Variants in IL6R observed in about 807,000 individuals in gnomAD.
The protein encoded by IL6R is interleukin-6 receptor subunit alpha.
Under a neutral mutation model 48.3 loss-of-function variants are expected in IL6R, and 38 were observed. The ratio of observed to expected loss-of-function variants is 0.79; its 90% CI spans 0.61 to 1.03. The LOEUF is 1.03. Among genes scored for constraint, IL6R ranks in the 50% least tolerant of loss-of-function variants. IL6R has a pLI of 0.00. For synonymous variants in IL6R, 264 were observed against 256.2 expected (o/e 1.03, Z -0.29); for missense variants, 534 against 618.3 (o/e 0.86, Z 1.45).
At chr1:154,451,940 C>T (rs146115901) in intron 8 of IL6R, among the ~76,000 whole-genome samples, 220 of 152,272 alleles carry the variant, frequency 1.4e-3, no homozygotes, top group African/African-American at 4.5e-3. Flanking sequence ...TAACTGGTAC[C>T]GCATTTGCTC....
At chr1:154,422,914 A>G (rs894451823) in intron 1 of IL6R, among the ~76,000 whole-genome samples, 1 of 152,042 alleles carries the variant, frequency 6.6e-6, no homozygotes, top group Non-Finnish European at 1.5e-5. Flanking sequence ...GGTAGGGCCT[A>G]CTTAGGGAGG....
intron 3 of IL6R, 59 bp downstream of exon 3, chr1:154,430,665 G>A (rs769816627): frequency 1.8e-5 from 29 of 1,606,318 alleles, no homozygotes; most frequent in Non-Finnish European, 2.4e-5. Flanking sequence ...AGGCCCCCCA[G>A]AGAGGGGCTG....
At chr1:154,437,871 G>A (rs1040315133) in intron 6 of IL6R, among the ~76,000 whole-genome samples, 6 of 140,420 alleles carry the variant, frequency 4.3e-5, no homozygotes, top group Admixed American at 7.9e-5. Context: ...ACACCACCAC[G>A]CCCGGCTAAT....
Position 154,416,803 on chromosome 1 carries a change from G to A in IL6R, c.85+11089G>A, listed in dbSNP as rs150844545. On this transcript the variant is annotated intron_variant, in intron 1 of 9. Transcript: ENST00000368485. ...CAGAGTGACACACCTACGAAAGAGT[G>A]TGGTCAGCATAGGCCTCACACTGGG... Among the ~76,000 whole-genome samples, 350 of 152,288 alleles carry A rather than the reference G, an allele frequency of 2.3e-3. 1 individual carries two copies. Among genetic ancestry groups the A allele is most frequent in the African/African-American group, 8.2e-3 (339 of 41,554 alleles).
intron 1 of IL6R, among the ~76,000 whole-genome samples, chr1:154,410,694 C>T (rs1687972441): frequency 6.6e-6 from 1 of 152,218 alleles, no homozygotes; most frequent in South Asian, 2.1e-4. Flanking sequence ...CAGCAGCCTC[C>T]CCCACTCCTG....
At chr1:154,460,385 C>T (rs1474595503) in intron 9 of IL6R, among the ~76,000 whole-genome samples, 1 of 150,426 alleles carries the variant, frequency 6.6e-6, no homozygotes, top group Non-Finnish European at 1.5e-5. Context: ...TAGAATATTT[C>T]AAAAGGAAAG....
chr1:154,411,449 G>A (rs1688014751), intron 1 of IL6R, among the ~76,000 whole-genome samples: 1 of 152,194 alleles, frequency 6.6e-6, no homozygotes. Flanking sequence ...AGATGTAAAT[G>A]TGGGAGTCGT....
intron 8 of IL6R, among the ~76,000 whole-genome samples, chr1:154,451,687 C>G (rs1215107525): frequency 1.3e-5 from 2 of 151,890 alleles, no homozygotes; most frequent in Non-Finnish European, 2.9e-5. Flanking sequence ...CAGGCATGCA[C>G]CACCACGCCT....
At position 154,434,542 on chromosome 1, in the gene IL6R, T is replaced by A. The variant is rs1423428455; in HGVS notation, c.482T>A (p.Phe161Tyr). 1.9e-6 allele frequency: 3 copies of A among 1,613,704 alleles called. No individual in the cohort carries two copies. The African/African-American group carries it at 4.0e-5, about 22-fold the overall frequency. The change falls in exon 4 of 10, where the codon TTC becomes TAC. Residue 161 changes from phenylalanine (F) to tyrosine (Y), a missense_variant. By Grantham distance (22) the Phe-to-Tyr change is conservative. Coordinates refer to ENST00000368485, the MANE Select transcript of IL6R (RefSeq NM_000565.4). ...RKFQNSPAED[F>Y]QEPCQYSQES... ...AGTCAGAACAGTCCGGCCGAAGACT[T>A]CCAGGAGCCGTGCCAGTATTCCCAG...
At chr1:154,462,787 T>G (rs1475243073) in intron 9 of IL6R, among the ~76,000 whole-genome samples, 1 of 152,124 alleles carries the variant, frequency 6.6e-6, no homozygotes, top group Non-Finnish European at 1.5e-5. Flanking sequence ...TTGGGTGTTA[T>G]TTTGCTTTTA....
chr1:154,458,172 G>A (rs566633415), intron 9 of IL6R, among the ~76,000 whole-genome samples: 7 of 151,790 alleles, frequency 4.6e-5, no homozygotes, highest in South Asian at 4.2e-4. Flanking sequence ...GGGTTTCACC[G>A]TGTTAGCCAG....
chr1:154,429,645 A>G lies in IL6R; in HGVS notation c.334+201A>G, dbSNP rs1006573877. Among the ~76,000 whole-genome samples the G allele has an allele frequency of 1.1e-4, 17 of 152,172 alleles. No homozygotes were observed. The East Asian group carries it at 3.3e-3, about 29-fold the overall frequency. ...GAGTGGGAGCGTCTGACTGGTGGGG[A>G]ACATTGGCTTTGGGAGTTAGGACTT... is the stretch of plus-strand genomic sequence containing the variant. On this transcript the variant is annotated intron_variant, in intron 2 of 9. Coordinates refer to ENST00000368485, the MANE Select transcript of IL6R (RefSeq NM_000565.4).
At chr1:154,449,046 A>G (rs1690438648) in intron 7 of IL6R, among the ~76,000 whole-genome samples, 1 of 145,910 alleles carries the variant, frequency 6.9e-6, no homozygotes, top group Non-Finnish European at 1.5e-5. Flanking sequence ...GGCGCCCGCG[A>G]CCGCGCCTGG....
chr1:154,438,220 T>TC (rs1347375390), intron 6 of IL6R, among the ~76,000 whole-genome samples: 2 of 151,790 alleles, frequency 1.3e-5, no homozygotes, highest in East Asian at 1.9e-4. Flanking sequence ...CTTTTTTTTT[T>TC]CCCTGATAAA....
chr1:154,446,004 A>G (rs1690207653), intron 6 of IL6R, among the ~76,000 whole-genome samples: 1 of 151,620 alleles, frequency 6.6e-6, no homozygotes, highest in Non-Finnish European at 1.5e-5. Flanking sequence ...GCCTCATGGG[A>G]TTCTCCAGCC....
At chr1:154,420,423 C>T (rs1688594209) in intron 1 of IL6R, among the ~76,000 whole-genome samples, 1 of 151,900 alleles carries the variant, frequency 6.6e-6, no homozygotes, top group Non-Finnish European at 1.5e-5. Context: ...ATCACAAGAC[C>T]AGGAATAGAA....
chr1:154,412,030 A>G (rs1204627825), intron 1 of IL6R, among the ~76,000 whole-genome samples: 1 of 135,294 alleles, frequency 7.4e-6, no homozygotes, highest in South Asian at 2.3e-4. Flanking sequence ...TCACTGCAAC[A>G]TCCGCCTCCC....
chr1:154,413,653 CA>C (rs1256446908), intron 1 of IL6R, among the ~76,000 whole-genome samples: 1 of 152,034 alleles, frequency 6.6e-6, no homozygotes, highest in Non-Finnish European at 1.5e-5. Context: ...GTATAACTGA[CA>C]TTTGCATAAT....
chr1:154,446,989 T>C (rs1690261271), intron 6 of IL6R, among the ~76,000 whole-genome samples: 2 of 152,144 alleles, frequency 1.3e-5, no homozygotes, highest in Admixed American at 6.6e-5. Flanking sequence ...TTCTAAAATA[T>C]TTTTGGCCAG....
Sources: allele counts gnomAD v4.1 joint callset (sites outside exome capture counted in the v4.1 genomes callset), GRCh38; gene constraint gnomAD v4.1.1; transcripts MANE v1.5; gene names NCBI Gene and HGNC (gene_info 2026-07-23, HGNC 2026-07-21).